The following UBE2QL1 variants were observed in gnomAD, a reference collection of about 807,000 sequenced individuals.
UBE2QL1 encodes the protein ubiquitin-conjugating enzyme E2Q-like protein 1.
Under a neutral mutation model 12.6 loss-of-function variants are expected in UBE2QL1, and 5 were observed. That is an observed-to-expected ratio of 0.40 (90% CI 0.21 to 0.83). The LOEUF is 0.83. UBE2QL1 is among the 40% of genes least tolerant of loss of function. The pLI, the probability that UBE2QL1 is intolerant of heterozygous loss-of-function variation, is 0.37. For missense variants in UBE2QL1, 99 were observed against 222.6 expected (o/e 0.44, Z 3.53); for synonymous variants, 96 against 94.5 (o/e 1.02, Z -0.10).
chr5:6,489,482 A>C (rs2126375594), intron 1 of UBE2QL1, among the ~76,000 whole-genome samples: 1 of 152,302 alleles, frequency 6.6e-6, no homozygotes, highest in African/African-American at 2.4e-5. Flanking sequence ...TGCTGCCCCC[A>C]GTGACAGATG....
At chr5:6,461,540 A>ACCGCCCCCCC (rs71606052) in intron 1 of UBE2QL1, among the ~76,000 whole-genome samples, 3 of 46,770 alleles carry the variant, frequency 6.4e-5, no homozygotes, top group Non-Finnish European at 9.7e-5. Flanking sequence ...TTCAGCACCC[A>ACCGCCCCCCC]CCACCCCCCC....
intron 1 of UBE2QL1, among the ~76,000 whole-genome samples, chr5:6,471,009 C>T (rs1426978579): frequency 6.6e-6 from 1 of 152,210 alleles, no homozygotes; most frequent in Non-Finnish European, 1.5e-5. Flanking sequence ...CATAGCATAT[C>T]TCATCTTTTT....
In UBE2QL1 at chr5:6,486,190, C is replaced by T. The variant is rs533231677; in HGVS notation, c.355-5028C>T. Among the ~76,000 whole-genome samples the T allele has an allele frequency of 3.3e-5, 5 of 152,158 alleles. No individual in the cohort carries two copies. The East Asian group carries it at 9.6e-4, about 29-fold the overall frequency. ...ATGCTTATTTTACATATGAGAAAATCGACATTCAGAGAGGTTAAGTGATTC... is the reference window on the plus strand; with the variant it reads ...ATGCTTATTTTACATATGAGAAAATTGACATTCAGAGAGGTTAAGTGATTC... On this transcript the variant is annotated intron_variant, in intron 1 of 1. Transcript: ENST00000399816.
At chr5:6,451,993 T>C (rs57749599) in intron 1 of UBE2QL1, among the ~76,000 whole-genome samples, 25,948 of 152,108 alleles carry the variant, frequency 0.17, 2,250 homozygotes, top group African/African-American at 0.2. Context: ...ATTCTAGTTA[T>C]GTTCTGATAC....
At chr5:6,459,254 C>T (rs1381811501) in intron 1 of UBE2QL1, among the ~76,000 whole-genome samples, 4 of 152,120 alleles carry the variant, frequency 2.6e-5, no homozygotes, top group East Asian at 3.8e-4. Context: ...TTTCACAACA[C>T]TTAAAGGACA....
chr5:6,484,081 C>A (rs1734418037), intron 1 of UBE2QL1, among the ~76,000 whole-genome samples: 2 of 152,348 alleles, frequency 1.3e-5, no homozygotes, highest in South Asian at 4.1e-4. Context: ...GCTACCAGAT[C>A]TGGGAACTAA....
intron 1 of UBE2QL1, among the ~76,000 whole-genome samples, chr5:6,465,584 G>A (rs1739768108): frequency 6.6e-6 from 1 of 152,202 alleles, no homozygotes; most frequent in Non-Finnish European, 1.5e-5. Context: ...GGGGGTGGAG[G>A]GCGCTTTGCA....
chr5:6,480,816 A>G (rs527788768), intron 1 of UBE2QL1, among the ~76,000 whole-genome samples: 1 of 152,246 alleles, frequency 6.6e-6, no homozygotes, highest in South Asian at 2.1e-4. Context: ...CACGAAACCG[A>G]TGCTGGCTTT....
rs1734660242 is a variant in UBE2QL1, at chr5:6,496,067, A to G, written c.*4718A>G. Among the ~76,000 whole-genome samples, 1 of 152,210 alleles carries G rather than the reference A, an allele frequency of 6.6e-6. No individual in the cohort carries two copies. Among genetic ancestry groups the G allele is most frequent in the Non-Finnish European group, 1.5e-5 (1 of 68,040 alleles). ...GGGAGCAAGATTTTCTTTCAAGGTC[A>G]TGATAAGGCTAGACAAATAGAGTGC... On this transcript the variant is annotated 3_prime_UTR_variant, in exon 2 of 2. Coordinates refer to ENST00000399816, the MANE Select transcript of UBE2QL1 (RefSeq NM_001145161.3).
chr5:6,451,485 A>G lies in UBE2QL1; in HGVS notation c.354+2238A>G, dbSNP rs146820593. ...ATTTCTTTATTGAAAGTAATTATCA[A>G]CTTTTTCATTTCTTACTTTGATAAA... On this transcript the variant is annotated intron_variant, in intron 1 of 1. Coordinates refer to ENST00000399816, the MANE Select transcript of UBE2QL1 (RefSeq NM_001145161.3). 3.9e-4 allele frequency among the ~76,000 whole-genome samples: 59 copies of G among 152,356 alleles called. No homozygotes were observed. The Middle Eastern group carries it at 0.01, about 26-fold the overall frequency.
chr5:6,461,400 T>G (rs166625), intron 1 of UBE2QL1, among the ~76,000 whole-genome samples: 45,142 of 152,002 alleles, frequency 0.3, 7,418 homozygotes, highest in East Asian at 0.55. Flanking sequence ...GGGATACAGC[T>G]AACTGATCCT....
At chr5:6,472,846 C>T (rs972426205) in intron 1 of UBE2QL1, among the ~76,000 whole-genome samples, 1 of 152,202 alleles carries the variant, frequency 6.6e-6, no homozygotes, top group African/African-American at 2.4e-5. Flanking sequence ...CGTCCCATCA[C>T]GAGGCATCCT....
At position 6,492,746 on chromosome 5, in the gene UBE2QL1, T is replaced by C. The variant is rs1734598790; in HGVS notation, c.*1397T>C. On this transcript the variant is annotated 3_prime_UTR_variant, in exon 2 of 2. Transcript: ENST00000399816. ...ACCAGAAATGAGTCTTAGGAACCCA[T>C]AGTCTTTGCAAAAATTCAGTAGATT... is the stretch of plus-strand genomic sequence containing the variant. 1 of 152,204 alleles carries C rather than the reference T, an allele frequency of 6.6e-6. No homozygotes were observed. The highest frequency in any genetic ancestry group is 1.5e-5 in the Non-Finnish European group (1 of 68,040). 9.4% of individuals were successfully genotyped at this position (152,204 alleles called of 1,614,324 possible).
intron 1 of UBE2QL1, among the ~76,000 whole-genome samples, chr5:6,470,024 C>A (rs530172208): frequency 1.3e-5 from 2 of 152,144 alleles, no homozygotes. Flanking sequence ...ACAGCGATGC[C>A]GGGGCCGCAG....
In UBE2QL1 at chr5:6,479,087, C is replaced by T. The variant is rs1035758938; in HGVS notation, c.355-12131C>T. On this transcript the variant is annotated intron_variant, in intron 1 of 1. Coordinates refer to ENST00000399816, the MANE Select transcript of UBE2QL1 (RefSeq NM_001145161.3). This position sits in a 1 kb window ranked among gnomAD's most constrained non-coding sequence, Gnocchi z 4.2. ...GTGCCTCATCCTGAAATCAGGGAGG[C>T]GTGGCAGGGTGGAGGCAGCCGTGGG... Among the ~76,000 whole-genome samples the T allele has an allele frequency of 2.0e-5, 3 of 151,926 alleles. No homozygotes were observed. The highest frequency in any genetic ancestry group is 4.2e-4 in the South Asian group (2 of 4,806).
At chr5:6,458,997 AG>A (rs201900012) in intron 1 of UBE2QL1, among the ~76,000 whole-genome samples, 2,403 of 152,042 alleles carry the variant, frequency 0.016, 20 homozygotes, top group Non-Finnish European at 0.023. Flanking sequence ...TGGGTGGGAG[AG>A]AAGAGCACAG....
chr5:6,449,874 C>A (rs1454647504), intron 1 of UBE2QL1, among the ~76,000 whole-genome samples: 1 of 146,862 alleles, frequency 6.8e-6, no homozygotes, highest in Non-Finnish European at 1.5e-5. Context: ...CCCAACCCCC[C>A]CCACACACAC....
In UBE2QL1 at chr5:6,469,528, C is replaced by A. The variant is rs772304320; in HGVS notation, c.354+20281C>A. 4.1e-5 allele frequency among the ~76,000 whole-genome samples: 6 copies of A among 146,804 alleles called. No individual in the cohort carries two copies. The South Asian group carries it at 8.5e-4, about 21-fold the overall frequency. ...TTTATATATATGTAATTATGTATAT[C>A]TATATCCTTAGATTATACATATATA... On this transcript the variant is annotated intron_variant, in intron 1 of 1. Coordinates refer to ENST00000399816, the MANE Select transcript of UBE2QL1 (RefSeq NM_001145161.3).
At chr5:6,472,050 C>T (rs796116093) in intron 1 of UBE2QL1, among the ~76,000 whole-genome samples, 3 of 152,112 alleles carry the variant, frequency 2.0e-5, no homozygotes, top group African/African-American at 7.2e-5. Flanking sequence ...CATGTCATTC[C>T]GTGCATATGT....
Sources: gnomAD v4.1 joint callset for allele counts (sites outside exome capture counted in the v4.1 genomes callset) on GRCh38, gnomAD v4.1.1 for gene constraint, Gnocchi (gnomAD v3.1) non-coding constraint, MANE v1.5 for transcripts, NCBI Gene and HGNC (gene_info 2026-07-23, HGNC 2026-07-21) for gene names.